The following SRPRB variants were observed in gnomAD, a reference collection of about 807,000 sequenced individuals.
SRPRB encodes signal recognition particle receptor subunit beta.
Under a neutral mutation model 31.9 loss-of-function variants are expected in SRPRB, and 20 were observed. The observed-to-expected ratio is 0.63, with a 90% CI of 0.44 to 0.91. SRPRB has a LOEUF of 0.91. SRPRB is among the 40% of genes least tolerant of loss of function. The pLI is 0.00. For synonymous variants in SRPRB, 146 were observed against 132.8 expected, an observed-to-expected ratio of 1.10 and a Z score of -0.68; for missense variants, 321 against 324.9, an observed-to-expected ratio of 0.99 and a Z score of 0.09.
chr3:133,822,795 CTCTT>C (rs1935496512), downstream of SRPRB, among the ~76,000 whole-genome samples: 1 of 152,190 alleles, frequency 6.6e-6, no homozygotes, highest in Admixed American at 6.5e-5. Context: ...AGATGCCTAT[CTCTT>C]TATCTCATCC....
In SRPRB at chr3:133,806,623, A is replaced by G. The variant is rs1233771138; in HGVS notation, c.169A>G (p.Ile57Val). The change falls in exon 2 of 7, where the codon ATC (isoleucine) becomes GTC (valine). Residue 57 changes from isoleucine (I) to valine (V), a missense_variant. Transcript: ENST00000678299. ...VLLTLVFWKL[I>V]RSRRSSQRAV... ...CTATTCCACAGTCTTCTGGAAGTTA[A>G]TCCGGAGCAGAAGGAGCAGTCAGAG... 1 of 1,614,066 alleles carries G rather than the reference A, an allele frequency of 6.2e-7. No individual in the cohort carries two copies. The highest frequency in any genetic ancestry group is 8.5e-7 in the Non-Finnish European group (1 of 1,179,942).
chr3:133,816,594 T>G (rs942251556), intron 5 of SRPRB, among the ~76,000 whole-genome samples: 1 of 152,212 alleles, frequency 6.6e-6, no homozygotes, highest in Non-Finnish European at 1.5e-5. Context: ...AGTAAACTTA[T>G]ATGTTTTGAA....
chr3:133,803,512 T>A (rs144873273), upstream of SRPRB, among the ~76,000 whole-genome samples: 1 of 152,338 alleles, frequency 6.6e-6, no homozygotes, highest in East Asian at 1.9e-4. Context: ...ATTTCCCCTG[T>A]GGCCTGGCTT....
upstream of SRPRB, chr3:133,805,805 G>C (rs1186565105): frequency 2.5e-6 from 4 of 1,574,492 alleles, no homozygotes; most frequent in African/African-American, 1.3e-5. Flanking sequence ...GCAGAGTGCA[G>C]GGCCACGTCG....
At chr3:133,802,369 G>A (rs1298871812), upstream of SRPRB, among the ~76,000 whole-genome samples, 1 of 152,140 alleles carries the variant, frequency 6.6e-6, no homozygotes, top group Non-Finnish European at 1.5e-5. Flanking sequence ...TATTGTCACT[G>A]CACTCCAGCC....
At chr3:133,827,611 C>T (rs992730242), downstream of SRPRB, 12 of 440,604 alleles carry the variant, frequency 2.7e-5, no homozygotes, top group African/African-American at 6.0e-5. Flanking sequence ...GATATGTCCA[C>T]AAAGACTTCA....
upstream of SRPRB, among the ~76,000 whole-genome samples, chr3:133,804,761 G>A (rs1387875092): frequency 6.6e-6 from 1 of 151,816 alleles, no homozygotes; most frequent in African/African-American, 2.4e-5. Context: ...TTTTGATGCT[G>A]ACAACTTTTT....
chr3:133,797,294 C>T (rs1042807067), intron 1 of SRPRB, among the ~76,000 whole-genome samples: 10 of 152,206 alleles, frequency 6.6e-5, no homozygotes, highest in African/African-American at 2.4e-4. Flanking sequence ...TGTTAAAATC[C>T]CCCCTAAGCA....
intron 4 of SRPRB, among the ~76,000 whole-genome samples, chr3:133,812,403 A>G (rs1481110869): frequency 6.6e-6 from 1 of 152,238 alleles, no homozygotes; most frequent in African/African-American, 2.4e-5. Context: ...TTCCAATTAA[A>G]TGTTTTTTCT....
At chr3:133,802,472 T>C (rs62280618), upstream of SRPRB, among the ~76,000 whole-genome samples, 141 of 152,254 alleles carry the variant, frequency 9.3e-4, no homozygotes, top group Non-Finnish European at 1.8e-3. Flanking sequence ...CATTAGAAAC[T>C]ATCTTCATGC....
At chr3:133,813,571 T>G (rs113324170) in intron 4 of SRPRB, among the ~76,000 whole-genome samples, 2,983 of 152,338 alleles carry the variant, frequency 0.02, 60 homozygotes, top group African/African-American at 0.046. Flanking sequence ...GCCTGTTTCT[T>G]TTTATACTAT....
upstream of SRPRB, among the ~76,000 whole-genome samples, chr3:133,802,276 G>T (rs143361193): frequency 9.5e-4 from 144 of 152,176 alleles, 1 homozygote; most frequent in African/African-American, 3.3e-3. Context: ...TGGGCATGGT[G>T]TTTGTGCCTG....
At chr3:133,799,885 GTAGAACA>G (rs1935036597) in intron 1 of SRPRB, among the ~76,000 whole-genome samples, 2 of 152,224 alleles carry the variant, frequency 1.3e-5, no homozygotes, top group Non-Finnish European at 2.9e-5. Context: ...ATGTTCCCTT[GTAGAACA>G]CCATGGTTCC....
chr3:133,806,109 C>T, intron 1 of SRPRB, 107 bp downstream of exon 1: 13 of 1,426,158 alleles, frequency 9.1e-6, no homozygotes, highest in Non-Finnish European at 1.2e-5. Context: ...GCCTTGAGGG[C>T]ATCAGGAGGG....
Position 133,819,901 on chromosome 3 carries a change from G to C in SRPRB, c.*135G>C. ...TTCTTTGTTCTGGAAACAAAGTACTGTTGAAACCAGCTTGGAATTTTTTTT... is the reference window on the plus strand; with the variant it reads ...TTCTTTGTTCTGGAAACAAAGTACTCTTGAAACCAGCTTGGAATTTTTTTT... On this transcript the variant is annotated 3_prime_UTR_variant, in exon 7 of 7. Transcript: ENST00000678299. The C allele has an allele frequency of 1.4e-6, 1 of 724,372 alleles. No individual in the cohort carries two copies. Among genetic ancestry groups the C allele is most frequent in the Non-Finnish European group, 2.2e-6 (1 of 460,596 alleles). 44.9% of individuals were successfully genotyped at this position (724,372 alleles called of 1,614,324 possible). A position where few individuals can be genotyped will look rare whatever the true frequency, so the allele number is the denominator to read the frequency against.
chr3:133,792,806 A>G (rs1037949517), intron 1 of SRPRB: 1 of 152,222 alleles, frequency 6.6e-6, no homozygotes, highest in African/African-American at 2.4e-5. Context: ...ATTTATAAAA[A>G]TTAATATTGT....
In SRPRB at chr3:133,805,913, A is replaced by G. The variant is rs748863772; in HGVS notation, c.65A>G (p.Tyr22Cys). The change falls in exon 1 of 7, where the codon TAC becomes TGC. Residue 22 changes from tyrosine (Y) to cysteine (C), a missense_variant. Tyr to Cys is a radical substitution (Grantham distance 194). Transcript: ENST00000678299. The part of the protein sequence containing the change: ...GGGAGGTFQP[Y>C]LDTLRQELQQ... ...GGTGCCGGGGGCACCTTCCAGCCCT[A>G]CCTAGACACCTTGCGGCAGGAGCTG... 1.5e-5 allele frequency: 24 copies of G among 1,614,014 alleles called. No homozygotes were observed. Among genetic ancestry groups the G allele is most frequent in the Non-Finnish European group, 1.9e-5 (22 of 1,179,902 alleles).
At chr3:133,804,095 C>CAAAAAAAAAAAAAA (rs1205426598), upstream of SRPRB, among the ~76,000 whole-genome samples, 5 of 58,216 alleles carry the variant, frequency 8.6e-5, no homozygotes, top group African/African-American at 1.2e-4. Flanking sequence ...GACTCTGTCT[C>CAAAAAAAAAAAAAA]AAAAAAAAAA....
At position 133,805,891 on chromosome 3, in the gene SRPRB, G is replaced by T; in HGVS notation, c.43G>T (p.Ala15Ser). ...GCGCCGGGTGGCAGATGGCGGCGGT[G>T]CCGGGGGCACCTTCCAGCCCTACCT... ...DSRRVADGGG[A>S]GGTFQPYLDT... The change falls in exon 1 of 7, where the codon GCC becomes TCC. Residue 15 changes from alanine to serine, a missense_variant. By Grantham distance (99) the Ala-to-Ser change is moderately conservative. Coordinates refer to ENST00000678299, the MANE Select transcript of SRPRB (RefSeq NM_001379313.1). The T allele has an allele frequency of 6.2e-7, 1 of 1,613,490 alleles. No homozygotes were observed. The highest frequency in any genetic ancestry group is 8.5e-7 in the Non-Finnish European group (1 of 1,179,674).
Sources: gnomAD v4.1 joint callset for allele counts (sites outside exome capture counted in the v4.1 genomes callset) on GRCh38, gnomAD v4.1.1 for gene constraint, MANE v1.5 for transcripts, NCBI Gene and HGNC (gene_info 2026-07-23, HGNC 2026-07-21) for gene names.